GPC5: variants seen among roughly 807,000 people sequenced by gnomAD.
GPC5 encodes glypican-5.
A neutral mutation model predicts 53.9 loss-of-function variants in GPC5; 47 were observed. The ratio of observed to expected loss-of-function variants is 0.87; its 90% CI spans 0.69 to 1.11. The LOEUF (loss-of-function observed/expected upper bound fraction) is 1.11, where lower values mean the gene tolerates loss of function less well. GPC5 is among the 50% of genes most tolerant of loss of function. GPC5 has a pLI of 0.00. For missense variants in GPC5, 748 were observed against 713.1 expected (o/e 1.05, Z -0.56); for synonymous variants, 286 against 263.3 (o/e 1.09, Z -0.84).
chr13:92,217,835 C>T (rs566450506), intron 7 of GPC5, among the ~76,000 whole-genome samples: 4 of 151,894 alleles, frequency 2.6e-5, no homozygotes, highest in Middle Eastern at 3.4e-3. Flanking sequence ...CCCTAATATG[C>T]CATAATACAA....
At chr13:91,680,486 C>G (rs1338626745) in intron 2 of GPC5, among the ~76,000 whole-genome samples, 1 of 151,964 alleles carries the variant, frequency 6.6e-6, no homozygotes, top group Non-Finnish European at 1.5e-5. Context: ...TGAAATGTGT[C>G]AAAATGAGGA....
intron 7 of GPC5, among the ~76,000 whole-genome samples, chr13:92,178,599 A>G (rs902240973): frequency 1.3e-5 from 2 of 152,052 alleles, no homozygotes; most frequent in African/African-American, 4.8e-5. Flanking sequence ...ACAGTTGCTA[A>G]TTCCTTACAT....
At chr13:92,488,991 G>T (rs1594244498) in intron 7 of GPC5, among the ~76,000 whole-genome samples, 1 of 152,250 alleles carries the variant, frequency 6.6e-6, no homozygotes, top group East Asian at 1.9e-4. Flanking sequence ...TTATATACAA[G>T]TTCCCAGATG....
chr13:92,355,421 A>T (rs1486291120), intron 7 of GPC5, among the ~76,000 whole-genome samples: 1 of 152,090 alleles, frequency 6.6e-6, no homozygotes, highest in East Asian at 1.9e-4. Flanking sequence ...TTGTCTTCCC[A>T]ACCACCAGCC....
At chr13:91,774,042 C>T (rs984609852) in intron 5 of GPC5, among the ~76,000 whole-genome samples, 47 of 152,254 alleles carry the variant, frequency 3.1e-4, no homozygotes, top group African/African-American at 1.1e-3. Flanking sequence ...TTGCTTTTCT[C>T]TCTAAAAGTT....
chr13:92,320,220 A>G (rs2043206966), intron 7 of GPC5, among the ~76,000 whole-genome samples: 1 of 152,180 alleles, frequency 6.6e-6, no homozygotes, highest in Non-Finnish European at 1.5e-5. Context: ...GCATGTTAGC[A>G]TAATGAACTT....
At chr13:91,719,323 A>G (rs1179007717) in intron 3 of GPC5, among the ~76,000 whole-genome samples, 1 of 152,222 alleles carries the variant, frequency 6.6e-6, no homozygotes. Context: ...AGGTCCTTGA[A>G]TATGTGTGCT....
At chr13:92,440,296 C>T (rs963957144) in intron 7 of GPC5, among the ~76,000 whole-genome samples, 3 of 152,106 alleles carry the variant, frequency 2.0e-5, no homozygotes, top group Non-Finnish European at 4.4e-5. Context: ...TGCTTCCCAT[C>T]TTTATGTCTA....
chr13:92,005,758 T>C (rs375681370), intron 6 of GPC5, among the ~76,000 whole-genome samples: 3 of 152,318 alleles, frequency 2.0e-5, no homozygotes, highest in African/African-American at 7.2e-5. Flanking sequence ...TCAACAAATA[T>C]CTGCTGGTTC....
At chr13:92,584,631 T>C (rs1883476774) in intron 7 of GPC5, among the ~76,000 whole-genome samples, 1 of 152,128 alleles carries the variant, frequency 6.6e-6, no homozygotes, top group Non-Finnish European at 1.5e-5. Flanking sequence ...TTTGCATAAG[T>C]AACTAGGAGG....
intron 6 of GPC5, among the ~76,000 whole-genome samples, chr13:92,091,918 C>T (rs1478268176): frequency 6.6e-6 from 1 of 152,130 alleles, no homozygotes; most frequent in African/African-American, 2.4e-5. Context: ...TCCTAAAACA[C>T]CAACAGATTT....
Position 92,114,009 on chromosome 13 carries a change from A to G in GPC5, c.1402-30821A>G, listed in dbSNP as rs148772674. Reference sequence around the variant, plus strand: ...ATGTTTAGTATCGGGTTATATGGAAAAGCTATAAACTTGTTTTTGTGGGGT... The same window carrying G: ...ATGTTTAGTATCGGGTTATATGGAAGAGCTATAAACTTGTTTTTGTGGGGT... On this transcript the variant is annotated intron_variant, in intron 6 of 7. Coordinates refer to ENST00000377067, the MANE Select transcript of GPC5 (RefSeq NM_004466.6). 3.0e-3 allele frequency among the ~76,000 whole-genome samples: 460 copies of G among 152,288 alleles called. 1 individual carries two copies. Among genetic ancestry groups the G allele is most frequent in the African/African-American group, 0.011 (439 of 41,554 alleles).
intron 7 of GPC5, among the ~76,000 whole-genome samples, chr13:92,364,141 G>T (rs552126841): frequency 6.6e-5 from 10 of 151,822 alleles, no homozygotes; most frequent in African/African-American, 2.4e-4. Context: ...GGAATTCAGA[G>T]GAATGCATGG....
intron 4 of GPC5, among the ~76,000 whole-genome samples, chr13:91,733,014 G>A (rs1256293360): frequency 6.6e-6 from 1 of 151,964 alleles, no homozygotes; most frequent in East Asian, 1.9e-4. Flanking sequence ...GGCTCTTTTT[G>A]GTTCCATATG....
At chr13:91,795,928 C>T (rs949229542) in intron 5 of GPC5, among the ~76,000 whole-genome samples, 7 of 152,172 alleles carry the variant, frequency 4.6e-5, no homozygotes, top group African/African-American at 1.4e-4. Context: ...GATTTCTTTA[C>T]TTCCATAGTA....
rs1886791571 is a variant in GPC5, at chr13:92,672,692, C to T, written c.1562-193590C>T. Among the ~76,000 whole-genome samples the T allele has an allele frequency of 2.0e-5, 3 of 152,140 alleles. No homozygotes were observed. The South Asian group carries it at 6.2e-4, about 32-fold the overall frequency. ...TGTGGTACATATACACCATGGAATACTATGCAGCTATAAAAAGGAACAGAG... is the reference window on the plus strand; with the variant it reads ...TGTGGTACATATACACCATGGAATATTATGCAGCTATAAAAAGGAACAGAG... On this transcript the variant is annotated intron_variant, in intron 7 of 7. Transcript: ENST00000377067.
At chr13:92,265,801 G>T (rs1226162233) in intron 7 of GPC5, among the ~76,000 whole-genome samples, 1 of 152,148 alleles carries the variant, frequency 6.6e-6, no homozygotes, top group Non-Finnish European at 1.5e-5. Flanking sequence ...GCTGCTGTTA[G>T]AGAATACCTC....
intron 7 of GPC5, among the ~76,000 whole-genome samples, chr13:92,796,598 C>T (rs1250799090): frequency 6.6e-6 from 1 of 151,884 alleles, no homozygotes; most frequent in East Asian, 1.9e-4. Flanking sequence ...TAGGAAGATT[C>T]TCTAGTGCTA....
intron 5 of GPC5, among the ~76,000 whole-genome samples, chr13:91,852,549 T>C (rs2038926231): frequency 1.3e-5 from 2 of 152,122 alleles, no homozygotes; most frequent in African/African-American, 4.8e-5. Flanking sequence ...CATTTCTCTC[T>C]ATTAAGGAAA....
Sources: allele counts gnomAD v4.1 joint callset (sites outside exome capture counted in the v4.1 genomes callset), GRCh38; gene constraint gnomAD v4.1.1; transcripts MANE v1.5; gene names NCBI Gene and HGNC (gene_info 2026-07-23, HGNC 2026-07-21).